The following PCDH15 variants were observed in gnomAD, a reference collection of about 807,000 sequenced individuals.
PCDH15 encodes the protein protocadherin-15.
PCDH15 carries 129 observed loss-of-function variants against 178.5 expected under a neutral mutation model. The observed-to-expected ratio is 0.72, with a 90% CI of 0.63 to 0.84. The LOEUF (loss-of-function observed/expected upper bound fraction) is 0.84. Among genes scored for constraint, PCDH15 ranks in the 40% least tolerant of loss-of-function variants. PCDH15 has a pLI of 0.00. For synonymous variants in PCDH15, 800 were observed against 732.0 expected (o/e 1.09, Z -1.50); for missense variants, 2,230 against 2,099.9 (o/e 1.06, Z -1.21).
intron 29 of PCDH15, among the ~76,000 whole-genome samples, chr10:53,836,653 T>C (rs922204480): frequency 4.6e-5 from 7 of 152,344 alleles, no homozygotes; most frequent in African/African-American, 1.2e-4. Flanking sequence ...AGAGTAAATG[T>C]CTGTAATGTC....
intron 26 of PCDH15, among the ~76,000 whole-genome samples, chr10:53,892,201 G>C (rs1421199946): frequency 6.6e-6 from 1 of 151,184 alleles, no homozygotes; most frequent in Non-Finnish European, 1.5e-5. Flanking sequence ...ATTTTTTGTA[G>C]TTTTTAGTAG....
chr10:54,837,868 TACAGACCCAAA>T (rs1953344935), intron 3 of PCDH15, among the ~76,000 whole-genome samples: 2 of 152,080 alleles, frequency 1.3e-5, no homozygotes, highest in South Asian at 4.2e-4. Context: ...TAGTCCTGGC[TACAGACCCAAA>T]ACAGTCCCAT....
chr10:55,082,444 A>G (rs1376927496), intron 2 of PCDH15, among the ~76,000 whole-genome samples: 1 of 151,910 alleles, frequency 6.6e-6, no homozygotes, highest in Non-Finnish European at 1.5e-5. Flanking sequence ...GCAACAAGCA[A>G]TCACATCAAA....
At chr10:55,231,808 C>T (rs1308237145) in intron 1 of PCDH15, among the ~76,000 whole-genome samples, 1 of 151,842 alleles carries the variant, frequency 6.6e-6, no homozygotes. Flanking sequence ...ATAAATAAAT[C>T]TTAAATTACA....
chr10:53,994,190 T>TA (rs2091702524), intron 21 of PCDH15, among the ~76,000 whole-genome samples: 1 of 152,214 alleles, frequency 6.6e-6, no homozygotes, highest in African/African-American at 2.4e-5. Context: ...CCACAGTCAT[T>TA]ACTACCAAAG....
chr10:54,947,740 T>G (rs78319842), intron 2 of PCDH15, among the ~76,000 whole-genome samples: 4,023 of 152,050 alleles, frequency 0.026, 169 homozygotes, highest in African/African-American at 0.089. Flanking sequence ...ATGGCATGAA[T>G]TACTTATGCT....
intron 3 of PCDH15, among the ~76,000 whole-genome samples, chr10:54,820,923 C>T (rs1354868826): frequency 6.6e-6 from 1 of 151,880 alleles, no homozygotes; most frequent in Non-Finnish European, 1.5e-5. Flanking sequence ...AGGTATTTTG[C>T]TTATGTATCT....
intron 25 of PCDH15, 29 bp from the exon 26 acceptor site, chr10:53,903,399 A>G (rs1328993737): frequency 1.9e-6 from 3 of 1,609,516 alleles, no homozygotes; most frequent in Non-Finnish European, 2.5e-6. Flanking sequence ...TGCATTTTTT[A>G]TTGGTGGTTA....
chr10:54,487,262 G>A (rs2079175853), intron 3 of PCDH15, among the ~76,000 whole-genome samples: 1 of 151,932 alleles, frequency 6.6e-6, no homozygotes, highest in African/African-American at 2.4e-5. Flanking sequence ...AATATCACAT[G>A]TTTTCACTTA....
intron 3 of PCDH15, among the ~76,000 whole-genome samples, chr10:54,484,149 G>A (rs1266782126): frequency 6.6e-6 from 1 of 151,984 alleles, no homozygotes; most frequent in African/African-American, 2.4e-5. Context: ...CCAGCCCACT[G>A]AATTGAACAG....
intron 1 of PCDH15, among the ~76,000 whole-genome samples, chr10:54,780,217 T>G (rs986059254): frequency 1.3e-5 from 2 of 152,136 alleles, no homozygotes; most frequent in Non-Finnish European, 2.9e-5. Context: ...AAGAAAGCCC[T>G]TACCACAAGG....
At chr10:54,171,726 C>A (rs544784342) in intron 13 of PCDH15, among the ~76,000 whole-genome samples, 267 of 152,184 alleles carry the variant, frequency 1.8e-3, no homozygotes, top group Non-Finnish European at 2.8e-3. Context: ...CCTGAGTTGT[C>A]CCAATTCTTA....
chr10:53,932,825 G>A (rs1016973576), intron 25 of PCDH15, among the ~76,000 whole-genome samples: 4 of 152,172 alleles, frequency 2.6e-5, no homozygotes, highest in African/African-American at 9.6e-5. Context: ...AGGGAAGAAG[G>A]TTTTAATCCA....
chr10:54,617,286 T>A (rs1249925713), intron 2 of PCDH15, among the ~76,000 whole-genome samples: 1 of 152,102 alleles, frequency 6.6e-6, no homozygotes, highest in South Asian at 2.1e-4. Context: ...AGCAACCAAC[T>A]GATCAAATTT....
intron 2 of PCDH15, among the ~76,000 whole-genome samples, chr10:55,051,739 C>T (rs538554677): frequency 3.9e-5 from 6 of 152,146 alleles, no homozygotes; most frequent in East Asian, 1.9e-4. Context: ...ATGATTTGCC[C>T]AAAGTCAGAT....
intron 2 of PCDH15, among the ~76,000 whole-genome samples, chr10:54,607,462 G>A (rs1156971973): frequency 3.3e-5 from 5 of 150,216 alleles, no homozygotes; most frequent in Non-Finnish European, 5.9e-5. Context: ...GTAGACTAGA[G>A]AGAAGAGAAG....
intron 13 of PCDH15, among the ~76,000 whole-genome samples, chr10:54,180,765 T>A (rs1279041762): frequency 1.3e-5 from 2 of 152,174 alleles, no homozygotes; most frequent in African/African-American, 4.8e-5. Context: ...ATACCAGAAA[T>A]AACATTAAAA....
At chr10:54,337,946 C>T (rs570886614) in intron 6 of PCDH15, among the ~76,000 whole-genome samples, 1 of 152,320 alleles carries the variant, frequency 6.6e-6, no homozygotes, top group South Asian at 2.1e-4. Flanking sequence ...GGTTTGAAAA[C>T]TGTTCACTGA....
chr10:54,329,286 C>T (rs2133876757), intron 7 of PCDH15, among the ~76,000 whole-genome samples: 1 of 151,976 alleles, frequency 6.6e-6, no homozygotes, highest in South Asian at 2.1e-4. Flanking sequence ...ATTTAATACA[C>T]ACCCAAGGTG....
Sources: allele counts gnomAD v4.1 joint callset (sites outside exome capture counted in the v4.1 genomes callset), GRCh38; gene constraint gnomAD v4.1.1; transcripts MANE v1.5; gene names NCBI Gene and HGNC (gene_info 2026-07-23, HGNC 2026-07-21).